TTC7B: variants seen among roughly 807,000 people sequenced by gnomAD.
TTC7B encodes the protein tetratricopeptide repeat domain 7B, also known as tetratricopeptide repeat protein 7B.
Under a neutral mutation model 106.8 loss-of-function variants are expected in TTC7B, and 28 were observed. That is an observed-to-expected ratio of 0.26 (90% CI 0.19 to 0.36). The LOEUF (loss-of-function observed/expected upper bound fraction) is 0.36. Ranked by LOEUF, TTC7B falls within the 10% of genes least tolerant of loss-of-function variation. The probability of loss-of-function intolerance (pLI) is 1.00; values close to 1 mark genes in which losing one functional copy is unlikely to be tolerated. For synonymous variants in TTC7B, 405 were observed against 430.6 expected, an observed-to-expected ratio of 0.94 and a Z score of 0.74; for missense variants, 862 against 1,076.4, an observed-to-expected ratio of 0.80 and a Z score of 2.79.
chr14:90,535,848 C>G lies in TTC7B; in HGVS notation c.*5520G>C, dbSNP rs1489503823. 6.6e-6 allele frequency: 1 copy of G among 152,526 alleles called. No individual in the cohort carries two copies. The highest frequency in any genetic ancestry group is 1.5e-5 in the Non-Finnish European group (1 of 68,302). 9.4% of individuals were successfully genotyped at this position (152,526 alleles called of 1,614,324 possible). ...GGGTTCCTGTGAGGCTCCCTCCTGG[C>G]TTGCGGGTGGCCGCCTTCTCCGTGT... On this transcript the variant is annotated 3_prime_UTR_variant, in exon 20 of 20. Transcript: ENST00000328459.
At chr14:90,614,489 A>G (rs562820473) in intron 16 of TTC7B, among the ~76,000 whole-genome samples, 3 of 152,364 alleles carry the variant, frequency 2.0e-5, no homozygotes, top group African/African-American at 7.2e-5. Flanking sequence ...TGGGTACATG[A>G]TGGAGATGGG....
rs1057471305 is a variant in TTC7B at position 90,600,761 on chromosome 14, C to A, written c.1967-7135G>T. ...GTCACACAGAAAGCATGGAGGGAAG[C>A]CGTTCACACGCATGCAGGAAGGTGC... On this transcript the variant is annotated intron_variant, in intron 17 of 19. Transcript: ENST00000328459. This position sits in a 1 kb window ranked among gnomAD's most constrained non-coding sequence, Gnocchi z 4.3. Among the ~76,000 whole-genome samples, 1 of 152,182 alleles carries A rather than the reference C, an allele frequency of 6.6e-6. No individual in the cohort carries two copies. Among genetic ancestry groups the A allele is most frequent in the Non-Finnish European group, 1.5e-5 (1 of 68,042 alleles).
chr14:90,699,702 T>C (rs935935964), intron 5 of TTC7B, among the ~76,000 whole-genome samples: 6 of 152,220 alleles, frequency 3.9e-5, no homozygotes, highest in Non-Finnish European at 5.9e-5. Context: ...AGAAACCGTC[T>C]GCCTTTCTCC....
intron 4 of TTC7B, among the ~76,000 whole-genome samples, chr14:90,730,978 C>G (rs1203940769): frequency 6.6e-6 from 1 of 152,218 alleles, no homozygotes; most frequent in Non-Finnish European, 1.5e-5. Flanking sequence ...CAGAGTCTCG[C>G]TCTGTCGCCC....
At chr14:90,664,875 T>C (rs737508) in intron 9 of TTC7B, among the ~76,000 whole-genome samples, 3,552 of 152,250 alleles carry the variant, frequency 0.023, 116 homozygotes, top group African/African-American at 0.082. Context: ...TATCAATGGG[T>C]TGGCTTTTAT....
intron 1 of TTC7B, among the ~76,000 whole-genome samples, chr14:90,814,951 C>T (rs1595060886): frequency 2.0e-5 from 3 of 152,182 alleles, no homozygotes; most frequent in South Asian, 2.1e-4. Flanking sequence ...ATTGAGAGTG[C>T]GCAAAACCAA....
chr14:90,641,236 G>A (rs1296402897), intron 15 of TTC7B, among the ~76,000 whole-genome samples: 2 of 152,184 alleles, frequency 1.3e-5, no homozygotes, highest in Admixed American at 6.5e-5. Context: ...CATGGTGACA[G>A]GAATGTAACG....
At chr14:90,602,788 GT>G (rs1892481062) in intron 17 of TTC7B, among the ~76,000 whole-genome samples, 1 of 151,696 alleles carries the variant, frequency 6.6e-6, no homozygotes, top group Non-Finnish European at 1.5e-5. Context: ...GTTTTATGAT[GT>G]CTGCTTATTT....
intron 1 of TTC7B, among the ~76,000 whole-genome samples, chr14:90,799,618 C>G (rs774128437): frequency 2.0e-5 from 3 of 152,102 alleles, no homozygotes; most frequent in Non-Finnish European, 4.4e-5. Context: ...GGAGCAGCTC[C>G]TGGAAAGGCC....
rs1338243874 is a variant in TTC7B at position 90,541,504 on chromosome 14, T to G, written c.2396A>C (p.Glu799Ala). 6.2e-7 allele frequency: 1 copy of G among 1,613,920 alleles called. No homozygotes were observed. The highest frequency in any genetic ancestry group is 1.3e-5 in the African/African-American group (1 of 74,936). Reference sequence around the variant, plus strand: ...GACCTCGCCCAGCCCGTTCCAGACCTCGTGGGCTGTCGAGTTCACCTGCAC... The same window carrying G: ...GACCTCGCCCAGCCCGTTCCAGACCGCGTGGGCTGTCGAGTTCACCTGCAC... ...DAVQVNSTAH[E>A]VWNGLGEVLQ... is the part of the protein sequence containing the mutation. The change falls in exon 20 of 20, where the codon GAG becomes GCG. Residue 799 changes from glutamate to alanine, a missense_variant. Glu to Ala is a moderately radical substitution (Grantham distance 107). Coordinates refer to ENST00000328459, the MANE Select transcript of TTC7B (RefSeq NM_001010854.2).
At chr14:90,566,514 A>G (rs951451808) in intron 19 of TTC7B, among the ~76,000 whole-genome samples, 1 of 152,208 alleles carries the variant, frequency 6.6e-6, no homozygotes, top group South Asian at 2.1e-4. Context: ...GTGACTGACT[A>G]GTTGATGTTC....
intron 17 of TTC7B, among the ~76,000 whole-genome samples, chr14:90,603,654 A>G (rs984830918): frequency 3.3e-5 from 5 of 152,196 alleles, no homozygotes; most frequent in African/African-American, 1.2e-4. Context: ...AACCCTAATC[A>G]TGATTCCAGT....
intron 19 of TTC7B, among the ~76,000 whole-genome samples, chr14:90,562,332 C>G (rs1034990715): frequency 4.6e-5 from 7 of 152,224 alleles, no homozygotes; most frequent in African/African-American, 1.7e-4. Context: ...GGTTCCCTCA[C>G]CAACCCTTGT....
chr14:90,705,841 C>T (rs1370476029), intron 5 of TTC7B, among the ~76,000 whole-genome samples: 3 of 152,188 alleles, frequency 2.0e-5, no homozygotes, highest in Admixed American at 1.3e-4. Flanking sequence ...TTCCCCACTA[C>T]CTCTTTTTCT....
At chr14:90,705,966 C>T (rs1888190413) in intron 5 of TTC7B, among the ~76,000 whole-genome samples, 1 of 152,098 alleles carries the variant, frequency 6.6e-6, no homozygotes, top group Non-Finnish European at 1.5e-5. Flanking sequence ...TCTGTATTTC[C>T]TGCAATTTGG....
chr14:90,627,980 A>C (rs1566806707), intron 15 of TTC7B, among the ~76,000 whole-genome samples: 1 of 152,198 alleles, frequency 6.6e-6, no homozygotes. Context: ...TGTGAGTGAC[A>C]TTATAATGAA....
chr14:90,678,588 C>T (rs1886930323), intron 8 of TTC7B, among the ~76,000 whole-genome samples: 2 of 152,120 alleles, frequency 1.3e-5, no homozygotes, highest in Admixed American at 6.5e-5. Flanking sequence ...GGTTAGAAAC[C>T]TCATCCTTCA....
intron 3 of TTC7B, among the ~76,000 whole-genome samples, chr14:90,760,115 G>C (rs2140015957): frequency 6.6e-6 from 1 of 152,354 alleles, no homozygotes; most frequent in Non-Finnish European, 1.5e-5. Flanking sequence ...AGAGATTGGT[G>C]TGGACAAACG....
At chr14:90,743,919 G>A (rs1029589037) in intron 4 of TTC7B, among the ~76,000 whole-genome samples, 3 of 152,162 alleles carry the variant, frequency 2.0e-5, no homozygotes, top group African/African-American at 7.2e-5. Context: ...CTGAGGCTGC[G>A]AGCTTAGAAC....
Sources: gnomAD v4.1 joint callset for allele counts (sites outside exome capture counted in the v4.1 genomes callset) on GRCh38, gnomAD v4.1.1 for gene constraint, Gnocchi (gnomAD v3.1) non-coding constraint, MANE v1.5 for transcripts, NCBI Gene and HGNC (gene_info 2026-07-23, HGNC 2026-07-21) for gene names.